The following MRPS6 variants were observed in gnomAD, a reference collection of about 807,000 sequenced individuals.
MRPS6 encodes the protein mitochondrial ribosomal protein S6, also known as small ribosomal subunit protein bS6m.
In MRPS6, 6 loss-of-function variants were observed where a neutral mutation model predicts 13.1. The ratio of observed to expected loss-of-function variants is 0.46; its 90% CI spans 0.25 to 0.91. The LOEUF (loss-of-function observed/expected upper bound fraction) is 0.91. Ranked by LOEUF, MRPS6 falls within the 40% of genes least tolerant of loss-of-function variation. The probability of loss-of-function intolerance (pLI) is 0.18; values close to 1 mark genes in which losing one functional copy is unlikely to be tolerated. For missense variants in MRPS6, 164 were observed against 155.6 expected (o/e 1.05, Z -0.29); for synonymous variants, 61 against 56.5 (o/e 1.08, Z -0.36).
intron 1 of MRPS6, among the ~76,000 whole-genome samples, chr21:34,120,635 G>A (rs1293279325): frequency 6.6e-6 from 1 of 151,748 alleles, no homozygotes; most frequent in African/African-American, 2.4e-5. Context: ...TAAATTTTTG[G>A]ATAGTACTTT....
At chr21:34,080,791 G>C (rs112146008) in intron 1 of MRPS6, among the ~76,000 whole-genome samples, 1,755 of 152,282 alleles carry the variant, frequency 0.012, 38 homozygotes, top group South Asian at 0.08. Flanking sequence ...TTACTAAGCT[G>C]CCTTGAGGGG....
At chr21:34,119,656 C>T (rs1022231806) in intron 1 of MRPS6, among the ~76,000 whole-genome samples, 2 of 152,090 alleles carry the variant, frequency 1.3e-5, no homozygotes, top group Non-Finnish European at 2.9e-5. Flanking sequence ...TTCTGGGGAA[C>T]TAGGGTGTGG....
chr21:34,136,013 C>T, intron 2 of MRPS6: 1 of 285,152 alleles, frequency 3.5e-6, no homozygotes, highest in South Asian at 4.7e-5. Flanking sequence ...CGTCCACTTC[C>T]CAAAGAGCTT....
At chr21:34,101,112 A>C in intron 1 of MRPS6, 1 of 1,000,194 alleles carries the variant, frequency 1.0e-6, no homozygotes, top group Non-Finnish European at 1.2e-6. Context: ...TTGCCAGGAC[A>C]AAATTTTCCT....
At chr21:34,108,000 A>G (rs1464011436) in intron 1 of MRPS6, among the ~76,000 whole-genome samples, 1 of 152,182 alleles carries the variant, frequency 6.6e-6, no homozygotes, top group Non-Finnish European at 1.5e-5. Flanking sequence ...CACATGTCTT[A>G]TAATGGTGTT....
intron 1 of MRPS6, chr21:34,097,728 T>G: frequency 6.0e-6 from 6 of 1,007,980 alleles, no homozygotes; most frequent in Non-Finnish European, 7.2e-6. Context: ...AGTAGAAGAT[T>G]TGCTCATTTC....
intron 1 of MRPS6, chr21:34,123,523 T>C (rs1980196581): frequency 1.3e-5 from 2 of 151,278 alleles, no homozygotes; most frequent in South Asian, 4.2e-4. Flanking sequence ...AGAGATCCCA[T>C]CCCAAATCTG....
In MRPS6 at chr21:34,112,418, G is replaced by C. The variant is rs1054150154; in HGVS notation, c.46-12923G>C. ...AAGACACGTTTATAGAAAGTAGCTGGATCTTTTCAAAAAAACAGTTTGAGA... is the reference window on the plus strand; with the variant it reads ...AAGACACGTTTATAGAAAGTAGCTGCATCTTTTCAAAAAAACAGTTTGAGA... On this transcript the variant is annotated intron_variant, in intron 1 of 2. Coordinates refer to ENST00000399312, the MANE Select transcript of MRPS6 (RefSeq NM_032476.4). Among the ~76,000 whole-genome samples, 6 of 68,396 alleles carry C rather than the reference G, an allele frequency of 8.8e-5. No individual in the cohort carries two copies. The African/African-American group carries it at 9.1e-4, about 10-fold the overall frequency. 44.9% of individuals were successfully genotyped at this position (68,396 alleles called of 152,430 possible). A position where few individuals can be genotyped will look rare whatever the true frequency, so the allele number is the denominator to read the frequency against.
chr21:34,122,023 A>T (rs151223167), intron 1 of MRPS6, among the ~76,000 whole-genome samples: 1 of 152,318 alleles, frequency 6.6e-6, no homozygotes, highest in African/African-American at 2.4e-5. Flanking sequence ...TCTATACGTC[A>T]GTCAGTGGCC....
chr21:34,090,027 C>G (rs566643857), intron 1 of MRPS6, among the ~76,000 whole-genome samples: 17 of 152,120 alleles, frequency 1.1e-4, no homozygotes, highest in Non-Finnish European at 2.1e-4. Flanking sequence ...CATCCCAAAC[C>G]CAAAATGCTC....
At chr21:34,140,589 G>C (rs1214540194) in intron 2 of MRPS6, among the ~76,000 whole-genome samples, 11 of 152,170 alleles carry the variant, frequency 7.2e-5, no homozygotes, top group Non-Finnish European at 1.6e-4. Context: ...GTTAATGTTG[G>C]TGTTCACTTT....
chr21:34,116,562 G>A (rs1238853313), intron 1 of MRPS6, among the ~76,000 whole-genome samples: 2 of 151,224 alleles, frequency 1.3e-5, no homozygotes, highest in Non-Finnish European at 2.9e-5. Context: ...TGGTACATGG[G>A]TATGGTAGTT....
chr21:34,077,239 G>A (rs950223256), intron 1 of MRPS6, among the ~76,000 whole-genome samples: 1 of 152,196 alleles, frequency 6.6e-6, no homozygotes, highest in Non-Finnish European at 1.5e-5. Context: ...TGGTAAAGCC[G>A]CATACTGTAT....
At chr21:34,103,374 G>C in intron 1 of MRPS6, 5 of 996,420 alleles carry the variant, frequency 5.0e-6, no homozygotes, top group Non-Finnish European at 6.0e-6. Context: ...CTTTATTTAG[G>C]TTCAGTGAAA....
At chr21:34,091,167 T>G (rs78810759) in intron 1 of MRPS6, among the ~76,000 whole-genome samples, 3,143 of 152,298 alleles carry the variant, frequency 0.021, 107 homozygotes, top group African/African-American at 0.071. Context: ...GCGTCTCAGA[T>G]TGTACCTTGA....
At chr21:34,075,835 A>G (rs1054920663) in intron 1 of MRPS6, among the ~76,000 whole-genome samples, 62 of 152,176 alleles carry the variant, frequency 4.1e-4, no homozygotes, top group African/African-American at 1.5e-3. Context: ...CTAAAATAGG[A>G]TGAATGTTTG....
chr21:34,139,612 C>T (rs947958408), intron 2 of MRPS6, among the ~76,000 whole-genome samples: 2 of 152,122 alleles, frequency 1.3e-5, no homozygotes, highest in East Asian at 1.9e-4. Flanking sequence ...GAGTCTCGCT[C>T]TGTCACCCAG....
intron 1 of MRPS6, among the ~76,000 whole-genome samples, chr21:34,111,352 C>T (rs1281563585): frequency 1.3e-5 from 2 of 152,196 alleles, no homozygotes; most frequent in African/African-American, 2.4e-5. Context: ...CAAGGAGGCT[C>T]ATTCCACTTT....
intron 1 of MRPS6, among the ~76,000 whole-genome samples, chr21:34,109,014 C>T (rs1979592745): frequency 6.6e-6 from 1 of 152,144 alleles, no homozygotes; most frequent in East Asian, 1.9e-4. Context: ...TCTTAATTTT[C>T]ATCTCTTTGC....
Sources: allele counts gnomAD v4.1 joint callset (sites outside exome capture counted in the v4.1 genomes callset), GRCh38; gene constraint gnomAD v4.1.1; transcripts MANE v1.5; gene names NCBI Gene and HGNC (gene_info 2026-07-23, HGNC 2026-07-21).